ZNF524: variants seen among roughly 807,000 people sequenced by gnomAD.
ZNF524 encodes zinc finger protein 524.
For missense variants in ZNF524, 388 were observed against 380.1 expected, an observed-to-expected ratio of 1.02 and a Z score of -0.17; for synonymous variants, 194 against 166.3, an observed-to-expected ratio of 1.17 and a Z score of -1.28.
At position 55,602,851 on chromosome 19, in the gene ZNF524, G is replaced by C. The variant is rs769683263; in HGVS notation, c.739G>C (p.Ala247Pro). The C allele has an allele frequency of 1.2e-6, 2 of 1,607,144 alleles. No individual in the cohort carries two copies. The highest frequency in any genetic ancestry group is 2.7e-5 in the African/African-American group (2 of 74,922). The change falls in exon 2 of 2, where the codon GCC becomes CCC. Residue 247 changes from alanine (A) to proline (P), a missense_variant. Coordinates refer to ENST00000301073, the MANE Select transcript of ZNF524 (RefSeq NM_153219.4). ...GCCGTGGGACGAGGAGGGCATCCCG[G>C]CCACAGCAGGGGCCGAGGAGGAGGA... ...EPPWDEEGIP[A>P]TAGAEEEEET...
At chr19:55,601,347 A>G (rs1980670501) in intron 1 of ZNF524, 1 of 152,264 alleles carries the variant, frequency 6.6e-6, no homozygotes, top group Admixed American at 6.5e-5. Context: ...GCTCCTGATA[A>G]CAATGGCTAA....
In ZNF524 at chr19:55,602,291, C is replaced by T; in HGVS notation, c.179C>T (p.Ser60Leu). The change falls in exon 2 of 2, where the codon TCA becomes TTA. Residue 60 changes from serine (S) to leucine (L), a missense_variant. By Grantham distance (145) the Ser-to-Leu change is moderately radical. Transcript: ENST00000301073. ...LPRKRGRPPK[S>L]GQEPPLVQVQ... ...CGCAAGCGGGGCCGCCCCCCCAAGT[C>T]AGGGCAGGAGCCCCCACTGGTGCAG... is the stretch of plus-strand genomic sequence containing the variant. 3 of 1,585,976 alleles carry T rather than the reference C, an allele frequency of 1.9e-6. No homozygotes were observed. Among genetic ancestry groups the T allele is most frequent in the Non-Finnish European group, 1.7e-6 (2 of 1,166,336 alleles).
At chr19:55,600,245 G>C (rs933290447), upstream of ZNF524, 14 of 150,844 alleles carry the variant, frequency 9.3e-5, no homozygotes, top group African/African-American at 3.4e-4. Context: ...AGGAAGGGAG[G>C]GGCCCGGCGC....
In ZNF524 at chr19:55,602,256, C is replaced by A. The variant is rs200054334; in HGVS notation, c.144C>A (p.Ala48=). Residue 48 remains alanine, a synonymous_variant, in exon 2 of 2, where the codon GCC becomes GCA. Coordinates refer to ENST00000301073, the MANE Select transcript of ZNF524 (RefSeq NM_153219.4). Reference sequence around the variant, plus strand: ...CCTCCTCAAATCGGACACTCAAGGCCTCCCTCCCTCGCAAGCGGGGCCGCC... The same window carrying A: ...CCTCCTCAAATCGGACACTCAAGGCATCCCTCCCTCGCAAGCGGGGCCGCC... ...GATSSNRTLK[A]SLPRKRGRPP... The A allele has an allele frequency of 4.4e-6, 7 of 1,608,638 alleles. No homozygotes were observed. Among genetic ancestry groups the A allele is most frequent in the African/African-American group, 4.0e-5 (3 of 74,910 alleles).
rs776329176 is a variant in ZNF524, at chr19:55,602,326, G to T, written c.214G>T (p.Val72Leu). ...QEPPLVQVQG[V>L]TAPVGSSGGS... ...GCCCCCACTGGTGCAGGTGCAGGGG[G>T]TGACAGCCCCAGTAGGCAGCAGTGG... The change falls in exon 2 of 2, where the codon GTG becomes TTG. Residue 72 changes from valine to leucine, a missense_variant. Coordinates refer to ENST00000301073, the MANE Select transcript of ZNF524 (RefSeq NM_153219.4). 55 of 1,578,188 alleles carry T rather than the reference G, an allele frequency of 3.5e-5. No individual in the cohort carries two copies. Among genetic ancestry groups the T allele is most frequent in the Non-Finnish European group, 4.6e-5 (53 of 1,162,402 alleles).
chr19:55,599,835 C>G (rs1015612680), upstream of ZNF524: 28 of 152,262 alleles, frequency 1.8e-4, 1 homozygote, highest in Admixed American at 6.5e-4. Context: ...TTCACAGCCT[C>G]GGACTCCTCC....
chr19:55,602,943 T>C lies in ZNF524; in HGVS notation c.*36T>C. 2 of 1,503,456 alleles carry C rather than the reference T, an allele frequency of 1.3e-6. No individual in the cohort carries two copies. The highest frequency in any genetic ancestry group is 1.8e-6 in the Non-Finnish European group (2 of 1,121,806). 93.1% of individuals were successfully genotyped at this position (1,503,456 alleles called of 1,614,324 possible). On this transcript the variant is annotated 3_prime_UTR_variant, in exon 2 of 2. Transcript: ENST00000301073. ...CGGCCATCGCTCCCTGGGCCAGGTTTAGAGCAGGGAGTTTGGCTGGTGCTG... is the reference window on the plus strand; with the variant it reads ...CGGCCATCGCTCCCTGGGCCAGGTTCAGAGCAGGGAGTTTGGCTGGTGCTG...
Position 55,602,133 on chromosome 19 carries a change from C to A in ZNF524, c.21C>A (p.Asp7Glu), listed in dbSNP as rs1980711950. The A allele has an allele frequency of 1.3e-6, 2 of 1,552,700 alleles. No homozygotes were observed. Among genetic ancestry groups the A allele is most frequent in the Non-Finnish European group, 1.7e-6 (2 of 1,148,456 alleles). Residue 7 changes from aspartate (D) to glutamate (E), a missense_variant, in exon 2 of 2, where the codon GAC (aspartate) becomes GAA (glutamate). Physicochemically the swap from Asp to Glu is conservative, Grantham distance 45. Coordinates refer to ENST00000301073, the MANE Select transcript of ZNF524 (RefSeq NM_153219.4). ...GCTCAATGGACACCCCCAGCCCAGACCCGTTGCCTTCGCCTTTGCCCGGGG... is the reference window on the plus strand; with the variant it reads ...GCTCAATGGACACCCCCAGCCCAGAACCGTTGCCTTCGCCTTTGCCCGGGG... MDTPSP[D>E]PLPSPLPGEE...
rs752112557 is a variant in ZNF524 at position 55,602,729 on chromosome 19, G to C, written c.617G>C (p.Arg206Pro). Residue 206 changes from arginine (R) to proline (P), a missense_variant, in exon 2 of 2, where the codon CGC becomes CCC. Coordinates refer to ENST00000301073, the MANE Select transcript of ZNF524 (RefSeq NM_153219.4). ...TACCAGTGCCCCATCTGCCGGCTGC[G>C]CTTTACAGAGGCCAACACGCTCCGG... ...RPYQCPICRL[R>P]FTEANTLRRH... The C allele has an allele frequency of 3.7e-6, 6 of 1,606,216 alleles. No individual in the cohort carries two copies. The African/African-American group carries it at 8.0e-5, about 21-fold the overall frequency.
At position 55,602,634 on chromosome 19, in the gene ZNF524, G is replaced by A; in HGVS notation, c.522G>A (p.Leu174=). The change falls in exon 2 of 2, where the codon CTG becomes CTA. Residue 174 remains leucine, a synonymous_variant. Transcript: ENST00000301073. ...HAGLRPFRCP[L]CPRRFREAGE... The stretch of plus-strand genomic sequence containing the variant: ...GCCTGCGGCCCTTCCGCTGCCCGCT[G>A]TGCCCCCGCCGCTTCCGCGAGGCGG... 6.3e-7 allele frequency: 1 copy of A among 1,581,664 alleles called. No homozygotes were observed. The highest frequency in any genetic ancestry group is 1.8e-5 in the Admixed American group (1 of 57,024).
chr19:55,602,601 C>T lies in ZNF524; in HGVS notation c.489C>T (p.Ile163=). Residue 163 remains isoleucine (I), a synonymous_variant, in exon 2 of 2, where the codon ATC becomes ATT. Coordinates refer to ENST00000301073, the MANE Select transcript of ZNF524 (RefSeq NM_153219.4). ...RSSHLRRHCN[I]HAGLRPFRCP... is the part of the protein sequence containing the mutation. The stretch of plus-strand genomic sequence containing the variant: ...GCCACCTGCGGCGGCACTGCAACAT[C>T]CATGCCGGCCTGCGGCCCTTCCGCT... The T allele has an allele frequency of 1.3e-6, 2 of 1,582,804 alleles. No individual in the cohort carries two copies. The highest frequency in any genetic ancestry group is 8.5e-7 in the Non-Finnish European group (1 of 1,170,878).
intron 1 of ZNF524, 175 bp from the exon 2 acceptor site, chr19:55,601,900 C>G: frequency 2.3e-6 from 1 of 429,508 alleles, no homozygotes; most frequent in Non-Finnish European, 4.1e-6. Flanking sequence ...TGTTTATCAG[C>G]TGATACAAGA....
chr19:55,601,979 G>C, intron 1 of ZNF524, 96 bp from the exon 2 acceptor site: 3 of 782,746 alleles, frequency 3.8e-6, no homozygotes, highest in Non-Finnish European at 5.9e-6. Flanking sequence ...ACACACCTTT[G>C]TCAAGAGACT....
rs1257942779 is a variant in ZNF524, at chr19:55,602,942, T to C, written c.*35T>C. The C allele has an allele frequency of 1.3e-6, 2 of 1,504,162 alleles. No homozygotes were observed. The highest frequency in any genetic ancestry group is 4.9e-5 in the East Asian group (2 of 41,036). 93.2% of individuals were successfully genotyped at this position (1,504,162 alleles called of 1,614,324 possible). On this transcript the variant is annotated 3_prime_UTR_variant, in exon 2 of 2. Transcript: ENST00000301073. ...CCGGCCATCGCTCCCTGGGCCAGGT[T>C]TAGAGCAGGGAGTTTGGCTGGTGCT... is the stretch of plus-strand genomic sequence containing the variant.
At position 55,602,438 on chromosome 19, in the gene ZNF524, C is replaced by T; in HGVS notation, c.326C>T (p.Pro109Leu). ...GCGGCTGGGCCTGAGGGCTCTGGCC[C>T]CAGGAAGGCCCCACACTTCTGCCCG... ...GSAAGPEGSG[P>L]RKAPHFCPVC... The change falls in exon 2 of 2, where the codon CCC (proline) becomes CTC (leucine). Residue 109 changes from proline (P) to leucine (L), a missense_variant. By Grantham distance (98) the Pro-to-Leu change is moderately conservative. Transcript: ENST00000301073. The T allele has an allele frequency of 6.3e-7, 1 of 1,593,856 alleles. No homozygotes were observed. Among genetic ancestry groups the T allele is most frequent in the Non-Finnish European group, 8.5e-7 (1 of 1,173,584 alleles).
At chr19:55,599,620 TCTCC>T (rs1459398344), upstream of ZNF524, 1 of 152,120 alleles carries the variant, frequency 6.6e-6, no homozygotes, top group Non-Finnish European at 1.5e-5. Flanking sequence ...TCCCCGCCCT[TCTCC>T]CTCTTTCCCT....
Position 55,602,645 on chromosome 19 carries a change from G to T in ZNF524, c.533G>T (p.Arg178Leu). The T allele has an allele frequency of 6.3e-7, 1 of 1,592,556 alleles. No homozygotes were observed. The highest frequency in any genetic ancestry group is 8.5e-7 in the Non-Finnish European group (1 of 1,175,206). Residue 178 changes from arginine (R) to leucine (L), a missense_variant, in exon 2 of 2, where the codon CGC (arginine) becomes CTC (leucine). Transcript: ENST00000301073. ...RPFRCPLCPRRFREAGELAHH... is the reference protein window; with the variant it reads ...RPFRCPLCPRLFREAGELAHH... ...TTCCGCTGCCCGCTGTGCCCCCGCC[G>T]CTTCCGCGAGGCGGGCGAGCTGGCG...
At chr19:55,599,708 G>A (rs1239453065), upstream of ZNF524, 3 of 152,386 alleles carry the variant, frequency 2.0e-5, no homozygotes, top group Non-Finnish European at 4.4e-5. Context: ...GAAGGGGCGG[G>A]GCTTAGGGAC....
chr19:55,600,752 T>G (rs1455842702), intron 1 of ZNF524: 1 of 151,042 alleles, frequency 6.6e-6, no homozygotes, highest in Non-Finnish European at 1.5e-5. Context: ...TAGACTAGGC[T>G]ACCCCGTGGG....
Sources: allele counts gnomAD v4.1 joint callset, GRCh38; gene constraint gnomAD v4.1.1; transcripts MANE v1.5; gene names NCBI Gene and HGNC (gene_info 2026-07-23, HGNC 2026-07-21).